NKAIN3: variants seen among roughly 807,000 people sequenced by gnomAD.
The protein encoded by NKAIN3 is sodium/potassium transporting ATPase interacting 3.
A neutral mutation model predicts 30.2 loss-of-function variants in NKAIN3; 25 were observed. The ratio of observed to expected loss-of-function variants is 0.83; its 90% CI spans 0.60 to 1.16. The LOEUF is 1.16. NKAIN3 is among the 50% of genes most tolerant of loss of function. The probability of loss-of-function intolerance (pLI) is 0.00; values close to 1 mark genes in which losing one functional copy is unlikely to be tolerated. For missense variants in NKAIN3, 225 were observed against 254.1 expected, an observed-to-expected ratio of 0.89 and a Z score of 0.78; for synonymous variants, 91 against 89.6, an observed-to-expected ratio of 1.02 and a Z score of -0.09.
chr8:62,364,622 C>T (rs533232758), intron 1 of NKAIN3, among the ~76,000 whole-genome samples: 2 of 151,804 alleles, frequency 1.3e-5, no homozygotes, highest in African/African-American at 4.8e-5. Context: ...GCGGGTGGAT[C>T]ACAAGGTCAG....
intron 4 of NKAIN3, among the ~76,000 whole-genome samples, chr8:62,876,142 C>G (rs74975832): frequency 6.6e-6 from 1 of 151,940 alleles, no homozygotes; most frequent in African/African-American, 2.4e-5. Context: ...AAACAAACAA[C>G]CCCATCAAAA....
chr8:62,859,508 T>TAAAAAAAA lies in NKAIN3; in HGVS notation c.472-58939_472-58932dup, dbSNP rs531859546. ...ACTTTTTCTATACTCTTACTTCAAC[T>TAAAAAAAA]AAAAAAAAAAAAACTTCATGGAAGT... is the stretch of plus-strand genomic sequence containing the variant. On this transcript the variant is annotated intron_variant, in intron 4 of 6. Coordinates refer to ENST00000623646, the MANE Select transcript of NKAIN3 (RefSeq NM_001304533.3). 6.1e-4 allele frequency among the ~76,000 whole-genome samples: 37 copies of TAAAAAAAA among 60,434 alleles called. 4 individuals carry two copies. Among genetic ancestry groups the TAAAAAAAA allele is most frequent in the African/African-American group, 1.4e-3 (26 of 17,952 alleles). The allele number at this position is 60,434 out of a possible 152,430, so 39.6% of individuals were successfully genotyped here.
chr8:62,511,469 C>G (rs1224668072), intron 1 of NKAIN3, among the ~76,000 whole-genome samples: 1 of 152,142 alleles, frequency 6.6e-6, no homozygotes, highest in Non-Finnish European at 1.5e-5. Context: ...CGGCTGTTCT[C>G]CAAATTGTGC....
chr8:62,263,124 C>T (rs955474611), intron 1 of NKAIN3, among the ~76,000 whole-genome samples: 1 of 151,936 alleles, frequency 6.6e-6, no homozygotes, highest in African/African-American at 2.4e-5. Context: ...TTTAGAGGAC[C>T]ACATCAAGGC....
chr8:62,553,283 A>G (rs1453840568), intron 1 of NKAIN3, among the ~76,000 whole-genome samples: 1 of 152,154 alleles, frequency 6.6e-6, no homozygotes, highest in African/African-American at 2.4e-5. Context: ...TGCCCACTAA[A>G]TATTTGCATT....
intron 3 of NKAIN3, among the ~76,000 whole-genome samples, chr8:62,730,990 A>T (rs1440449833): frequency 6.6e-6 from 1 of 152,192 alleles, no homozygotes; most frequent in African/African-American, 2.4e-5. Flanking sequence ...TAGAGCCTTC[A>T]GAGTGGCTCC....
At chr8:62,443,914 A>G (rs1472057135) in intron 1 of NKAIN3, among the ~76,000 whole-genome samples, 1 of 152,100 alleles carries the variant, frequency 6.6e-6, no homozygotes, top group East Asian at 1.9e-4. Flanking sequence ...CTTTGCCTGT[A>G]TCATCTCATT....
In NKAIN3 at chr8:62,316,183, T is replaced by C. The variant is rs1028107231; in HGVS notation, c.54+67056T>C. ...TACAGAACTGTGGGTCAATTTAACCTCTGTCCTTTATAAGTTACCAAGTCT... is the reference window on the plus strand; with the variant it reads ...TACAGAACTGTGGGTCAATTTAACCCCTGTCCTTTATAAGTTACCAAGTCT... On this transcript the variant is annotated intron_variant, in intron 1 of 6. Coordinates refer to ENST00000623646, the MANE Select transcript of NKAIN3 (RefSeq NM_001304533.3). Among the ~76,000 whole-genome samples the C allele has an allele frequency of 2.0e-5, 3 of 152,140 alleles. No individual in the cohort carries two copies. The South Asian group carries it at 6.2e-4, about 32-fold the overall frequency.
rs67571816 is a variant in NKAIN3, at chr8:62,731,234, G to GACAC, written c.274-15661_274-15658dup. 7.8e-3 allele frequency among the ~76,000 whole-genome samples: 1,119 copies of GACAC among 143,738 alleles called. 13 individuals are homozygous for GACAC. Among genetic ancestry groups the GACAC allele is most frequent in the African/African-American group, 0.023 (891 of 38,768 alleles). The allele number at this position is 143,738 out of a possible 152,430, so 94.3% of individuals were successfully genotyped here. ...CCATTTCAGTGGACAGGGATCACAG[G>GACAC]ACACACACACACACACACACACACA... On this transcript the variant is annotated intron_variant, in intron 3 of 6. Transcript: ENST00000623646.
downstream of NKAIN3, among the ~76,000 whole-genome samples, chr8:62,986,297 T>A (rs1326063254): frequency 6.6e-6 from 1 of 152,240 alleles, no homozygotes; most frequent in African/African-American, 2.4e-5. Flanking sequence ...TGAGGCCCTT[T>A]GTTTTGGGTT....
At chr8:62,598,225 A>G (rs1429672474) in intron 3 of NKAIN3, among the ~76,000 whole-genome samples, 1 of 152,040 alleles carries the variant, frequency 6.6e-6, no homozygotes, top group Admixed American at 6.6e-5. Flanking sequence ...CAAGAGGGGA[A>G]CCGAAAGTGG....
intron 4 of NKAIN3, among the ~76,000 whole-genome samples, chr8:62,764,751 G>T (rs111580031): frequency 6.6e-6 from 1 of 152,268 alleles, no homozygotes; most frequent in South Asian, 2.1e-4. Context: ...TGCAAATTTC[G>T]TCTGCTTGAC....
At position 62,971,777 on chromosome 8, in the gene NKAIN3, T is replaced by G. The variant is rs1823840315; in HGVS notation, c.*6370T>G. Among the ~76,000 whole-genome samples the G allele has an allele frequency of 6.6e-6, 1 of 152,230 alleles. No individual in the cohort carries two copies. On this transcript the variant is annotated 3_prime_UTR_variant, in exon 7 of 7. Coordinates refer to ENST00000623646, the MANE Select transcript of NKAIN3 (RefSeq NM_001304533.3). ...TTCATTTGTAGTACTTTATAACACA[T>G]TCTAGAAAAAATGTACATATATTCT...
intron 1 of NKAIN3, among the ~76,000 whole-genome samples, chr8:62,574,438 A>G (rs1384223937): frequency 6.6e-6 from 1 of 152,080 alleles, no homozygotes; most frequent in South Asian, 2.1e-4. Flanking sequence ...TGGTAGCTCT[A>G]TTTTTAGTTT....
At chr8:62,545,197 A>G (rs1808967550) in intron 1 of NKAIN3, among the ~76,000 whole-genome samples, 1 of 152,222 alleles carries the variant, frequency 6.6e-6, no homozygotes, top group Non-Finnish European at 1.5e-5. Flanking sequence ...ACCTAAATGT[A>G]TGTATGCACC....
At position 62,633,338 on chromosome 8, in the gene NKAIN3, T is replaced by A. The variant is rs149913987; in HGVS notation, c.273+43544T>A. Among the ~76,000 whole-genome samples, 275 of 152,292 alleles carry A rather than the reference T, an allele frequency of 1.8e-3. 4 individuals are homozygous for A. The highest frequency in any genetic ancestry group is 3.5e-4 in the Non-Finnish European group (24 of 68,020). On this transcript the variant is annotated intron_variant, in intron 3 of 6. Coordinates refer to ENST00000623646, the MANE Select transcript of NKAIN3 (RefSeq NM_001304533.3). ...TGTTATTGATAACCCTGTCTGTCACTAACATAGGGTCCTGAATGCTTACTA... is the reference window on the plus strand; with the variant it reads ...TGTTATTGATAACCCTGTCTGTCACAAACATAGGGTCCTGAATGCTTACTA...
intron 4 of NKAIN3, among the ~76,000 whole-genome samples, chr8:62,793,527 C>T (rs189928876): frequency 3.9e-4 from 59 of 152,126 alleles, no homozygotes; most frequent in Admixed American, 1.0e-3. Flanking sequence ...GGGTTACTGG[C>T]CAGTTTATGA....
chr8:62,804,076 C>A (rs987057114), intron 4 of NKAIN3, among the ~76,000 whole-genome samples: 1 of 152,166 alleles, frequency 6.6e-6, no homozygotes, highest in African/African-American at 2.4e-5. Context: ...GAAGTTGAAT[C>A]TCTGAATAGA....
chr8:62,617,165 C>T (rs1311582123), intron 3 of NKAIN3, among the ~76,000 whole-genome samples: 1 of 152,186 alleles, frequency 6.6e-6, no homozygotes, highest in African/African-American at 2.4e-5. Flanking sequence ...CTACAGCCTG[C>T]AGAACTGTGA....
Sources: allele counts gnomAD v4.1 joint callset (sites outside exome capture counted in the v4.1 genomes callset), GRCh38; gene constraint gnomAD v4.1.1; transcripts MANE v1.5; gene names NCBI Gene and HGNC (gene_info 2026-07-23, HGNC 2026-07-21).